MTUS2: variants seen among roughly 807,000 people sequenced by gnomAD.
The protein encoded by MTUS2 is microtubule-associated tumor suppressor candidate 2.
A neutral mutation model predicts 114.1 loss-of-function variants in MTUS2; 40 were observed. The ratio of observed to expected loss-of-function variants is 0.35; its 90% CI spans 0.27 to 0.46. The LOEUF (loss-of-function observed/expected upper bound fraction) is 0.46, where lower values mean the gene tolerates loss of function less well. Among genes scored for constraint, MTUS2 ranks in the 20% least tolerant of loss-of-function variants. The pLI is 1.00. For missense variants in MTUS2, 1,679 were observed against 1,705.4 expected, an observed-to-expected ratio of 0.98 and a Z score of 0.27; for synonymous variants, 688 against 672.0, an observed-to-expected ratio of 1.02 and a Z score of -0.37.
chr13:29,114,439 A>C (rs1445313484), intron 5 of MTUS2, among the ~76,000 whole-genome samples: 1 of 152,232 alleles, frequency 6.6e-6, no homozygotes, highest in Non-Finnish European at 1.5e-5. Context: ...CATATGTAAG[A>C]GCAGCAGAGC....
At chr13:29,277,745 C>T (rs1034875667) in intron 5 of MTUS2, among the ~76,000 whole-genome samples, 3 of 152,168 alleles carry the variant, frequency 2.0e-5, no homozygotes, top group African/African-American at 4.8e-5. Flanking sequence ...GTGATACACG[C>T]CACTTCCAGG....
intron 5 of MTUS2, among the ~76,000 whole-genome samples, chr13:29,278,267 C>T (rs186769346): frequency 4.6e-5 from 7 of 152,172 alleles, no homozygotes; most frequent in Admixed American, 4.6e-4. Context: ...CTAAGACAGG[C>T]AAAGTACAAA....
chr13:28,832,510 ATT>A (rs35730821), intron 1 of MTUS2, among the ~76,000 whole-genome samples: 8 of 150,404 alleles, frequency 5.3e-5, no homozygotes, highest in African/African-American at 7.3e-5. Context: ...ACTTAGAGGG[ATT>A]TTTTTTTTAG....
At chr13:28,903,917 A>G (rs1395306529) in intron 2 of MTUS2, among the ~76,000 whole-genome samples, 2 of 151,948 alleles carry the variant, frequency 1.3e-5, no homozygotes, top group African/African-American at 2.4e-5. Flanking sequence ...ATCCTCTCCA[A>G]CACCTGGTGT....
chr13:29,046,851 A>T (rs1400437685), intron 4 of MTUS2, among the ~76,000 whole-genome samples: 1 of 152,114 alleles, frequency 6.6e-6, no homozygotes, highest in Non-Finnish European at 1.5e-5. Flanking sequence ...CTTTCTACAG[A>T]CACCCCTTCC....
At chr13:28,866,254 C>T (rs1877291250) in intron 2 of MTUS2, among the ~76,000 whole-genome samples, 1 of 152,188 alleles carries the variant, frequency 6.6e-6, no homozygotes, top group Non-Finnish European at 1.5e-5. Flanking sequence ...TTGTTTTGAC[C>T]CTGTGAGCTT....
Position 29,384,539 on chromosome 13 carries a change from G to A in MTUS2, c.3117+25066G>A, listed in dbSNP as rs183600070. ...GGATTCTGAATTCCCATGTCCTTTA[G>A]CAAAGTCTGGGTCTCTCAAGAGCTA... On this transcript the variant is annotated intron_variant, in intron 8 of 15. Coordinates refer to ENST00000612955, the MANE Select transcript of MTUS2 (RefSeq NM_001033602.4). 4.9e-4 allele frequency among the ~76,000 whole-genome samples: 74 copies of A among 152,312 alleles called. 1 individual carries two copies. In the East Asian group the frequency reaches 0.013, roughly 26 times the overall value.
chr13:29,424,902 T>C (rs1876394740), intron 8 of MTUS2, among the ~76,000 whole-genome samples: 2 of 152,172 alleles, frequency 1.3e-5, no homozygotes, highest in Admixed American at 6.5e-5. Flanking sequence ...ATGTAATACA[T>C]AGACCTAGTT....
chr13:28,987,351 C>T (rs756685890), intron 2 of MTUS2, among the ~76,000 whole-genome samples: 2 of 152,086 alleles, frequency 1.3e-5, no homozygotes, highest in Non-Finnish European at 1.5e-5. Context: ...TCGCATTGCA[C>T]AGTGGCACCA....
At chr13:29,344,880 GT>G (rs1275089605) in intron 7 of MTUS2, among the ~76,000 whole-genome samples, 4 of 152,086 alleles carry the variant, frequency 2.6e-5, no homozygotes, top group Non-Finnish European at 5.9e-5. Context: ...CTCAACATTT[GT>G]TTGTATGAAA....
chr13:28,860,418 T>A (rs747707219), intron 2 of MTUS2, among the ~76,000 whole-genome samples: 6 of 152,178 alleles, frequency 3.9e-5, no homozygotes, highest in Non-Finnish European at 8.8e-5. Context: ...GGCCGGAATG[T>A]GGGATTTGGA....
chr13:29,229,468 G>A (rs1896240442), intron 5 of MTUS2, among the ~76,000 whole-genome samples: 1 of 152,180 alleles, frequency 6.6e-6, no homozygotes, highest in South Asian at 2.1e-4. Flanking sequence ...GCCATCCAAA[G>A]TAGCTATATT....
intron 7 of MTUS2, 45 bp downstream of exon 7, chr13:29,324,756 T>A (rs1198860635): frequency 4.3e-6 from 6 of 1,393,838 alleles, no homozygotes; most frequent in Non-Finnish European, 6.0e-6. Flanking sequence ...TGACTTGAAC[T>A]TGGAATTTAT....
intron 8 of MTUS2, among the ~76,000 whole-genome samples, chr13:29,407,076 G>A (rs963921712): frequency 6.6e-6 from 1 of 151,972 alleles, no homozygotes; most frequent in African/African-American, 2.4e-5. Flanking sequence ...GAAACCCTGT[G>A]TCTACTAAAA....
intron 6 of MTUS2, among the ~76,000 whole-genome samples, chr13:29,291,908 C>T (rs983849156): frequency 2.0e-5 from 3 of 152,198 alleles, no homozygotes; most frequent in African/African-American, 7.2e-5. Flanking sequence ...CATCTAAGCC[C>T]TCCTTGCATT....
chr13:29,401,634 C>T (rs372527671), intron 8 of MTUS2, among the ~76,000 whole-genome samples: 3 of 152,118 alleles, frequency 2.0e-5, no homozygotes, highest in African/African-American at 4.8e-5. Context: ...TGAAATGCCA[C>T]CCTTATTATA....
At chr13:29,166,509 C>T (rs1235170178) in intron 5 of MTUS2, among the ~76,000 whole-genome samples, 2 of 152,188 alleles carry the variant, frequency 1.3e-5, no homozygotes, top group African/African-American at 2.4e-5. Flanking sequence ...TCTGTCTCTG[C>T]CTTTCTGAAT....
chr13:28,947,486 T>C (rs71433293), intron 2 of MTUS2, among the ~76,000 whole-genome samples: 5,812 of 152,286 alleles, frequency 0.038, 134 homozygotes, highest in Admixed American at 0.045. Context: ...GAATGACATA[T>C]TCATTTACAC....
chr13:28,991,610 T>C (rs555591383), intron 2 of MTUS2, among the ~76,000 whole-genome samples: 58 of 152,308 alleles, frequency 3.8e-4, no homozygotes, highest in Middle Eastern at 3.4e-3. Context: ...CCTCATGATC[T>C]GCCTGTCTCG....
Sources: allele counts gnomAD v4.1 joint callset (sites outside exome capture counted in the v4.1 genomes callset), GRCh38; gene constraint gnomAD v4.1.1; transcripts MANE v1.5; gene names NCBI Gene and HGNC (gene_info 2026-07-23, HGNC 2026-07-21).